OOSP1: variants seen among roughly 807,000 people sequenced by gnomAD.
OOSP1 encodes putative oocyte-secreted protein 1 homolog.
A neutral mutation model predicts 5.7 loss-of-function variants in OOSP1; 11 were observed. The ratio of observed to expected loss-of-function variants is 1.94; its 90% CI spans 1.22 to 3.20. The LOEUF (loss-of-function observed/expected upper bound fraction) is 3.20, where lower values mean the gene tolerates loss of function less well. OOSP1 is among the 30% of genes most tolerant of loss of function. The pLI, the probability that OOSP1 is intolerant of heterozygous loss-of-function variation, is 0.00. For synonymous variants in OOSP1, 44 were observed against 20.0 expected (o/e 2.20, Z -3.20); for missense variants, 83 against 54.1 (o/e 1.53, Z -1.67).
intron 2 of OOSP1, among the ~76,000 whole-genome samples, chr11:59,943,442 A>C (rs976506695): frequency 1.3e-5 from 2 of 152,206 alleles, no homozygotes; most frequent in African/African-American, 4.8e-5. Flanking sequence ...TCTATTTGTA[A>C]TATGGCTAGA....
At chr11:59,946,429 A>G (rs1375536590) in intron 3 of OOSP1, among the ~76,000 whole-genome samples, 1 of 152,230 alleles carries the variant, frequency 6.6e-6, no homozygotes, top group Non-Finnish European at 1.5e-5. Flanking sequence ...ACCAGGTTCC[A>G]TCTCCAATAT....
At position 59,938,468 on chromosome 11, in the gene OOSP1, T is replaced by G. The variant is rs777468753; in HGVS notation, c.14T>G (p.Leu5Arg). The G allele has an allele frequency of 4.6e-5, 29 of 628,038 alleles. No individual in the cohort carries two copies. In the Middle Eastern group the frequency reaches 2.0e-3, roughly 42 times the overall value. The allele number at this position is 628,038 out of a possible 1,614,324, so 38.9% of individuals were successfully genotyped here. ...CAATCTGGGCAAATGAAGACCATTCTGGGGTTCAAAGGGCTCTTTTATCTG... is the reference window on the plus strand; with the variant it reads ...CAATCTGGGCAAATGAAGACCATTCGGGGGTTCAAAGGGCTCTTTTATCTG... Residue 5 changes from leucine (L) to arginine (R), a missense_variant, in exon 1 of 5, where the codon CTG becomes CGG. Leu to Arg is a moderately radical substitution (Grantham distance 102, BLOSUM62 -2). Transcript: ENST00000646685.
Position 59,949,796 on chromosome 11 carries a change from C to T in OOSP1, c.486+1934C>T, listed in dbSNP as rs1040149928. ...TGGCTGCTGGATGGAGAATGGATAC[C>T]AAGAGGAAGCAGCGACTGAAGTAGG... On this transcript the variant is annotated intron_variant, in intron 4 of 4. Transcript: ENST00000646685. Among the ~76,000 whole-genome samples, 3 of 152,010 alleles carry T rather than the reference C, an allele frequency of 2.0e-5. No individual in the cohort carries two copies. In the East Asian group the frequency reaches 5.8e-4, roughly 29 times the overall value.
At position 59,945,221 on chromosome 11, in the gene OOSP1, ACT is replaced by A. The variant is rs1853868598; in HGVS notation, c.314_315del (p.Ser105TyrfsTer5). On this transcript the variant is annotated frameshift_variant, in exon 3 of 5. Transcript: ENST00000646685. LOFTEE classifies it high-confidence loss of function. The stretch of plus-strand genomic sequence containing the variant: ...ACTAAAATCAGGTATATCTCAAGAG[ACT>A]CTACTGTCCGATCTGAAATGCCTCT... The A allele has an allele frequency of 1.4e-6, 1 of 702,580 alleles. No homozygotes were observed. Among genetic ancestry groups the A allele is most frequent in the Non-Finnish European group, 2.6e-6 (1 of 384,932 alleles). 43.5% of individuals were successfully genotyped at this position (702,580 alleles called of 1,614,324 possible). A position where few individuals can be genotyped will look rare whatever the true frequency, so the allele number is the denominator to read the frequency against.
intron 4 of OOSP1, among the ~76,000 whole-genome samples, chr11:59,955,376 T>G (rs976278790): frequency 6.6e-6 from 1 of 152,138 alleles, no homozygotes; most frequent in African/African-American, 2.4e-5. Flanking sequence ...ACTATGAATC[T>G]GGCATTGTCT....
At chr11:59,949,277 TA>T (rs1375043995) in intron 4 of OOSP1, among the ~76,000 whole-genome samples, 1 of 151,996 alleles carries the variant, frequency 6.6e-6, no homozygotes, top group Non-Finnish European at 1.5e-5. Context: ...TACTCTATGG[TA>T]TTTTAAGAAA....
intron 3 of OOSP1, among the ~76,000 whole-genome samples, chr11:59,946,041 C>G (rs995507418): frequency 3.9e-5 from 6 of 152,100 alleles, no homozygotes; most frequent in African/African-American, 1.2e-4. Context: ...TGGTGCTAAA[C>G]TAGGGGTCCA....
At chr11:59,947,838 C>T (rs1375651781) in exon 4 of OOSP1, 1 of 398,724 alleles carries the variant, frequency 2.5e-6, no homozygotes, top group African/African-American at 2.1e-5. Flanking sequence ...AAGACATGGG[C>T]AGTAACTTCT....
At chr11:59,950,271 A>G (rs1590893362) in intron 4 of OOSP1, among the ~76,000 whole-genome samples, 1 of 152,188 alleles carries the variant, frequency 6.6e-6, no homozygotes, top group Non-Finnish European at 1.5e-5. Context: ...TGCTGCTTAG[A>G]TCTCCAAGAG....
intron 4 of OOSP1, among the ~76,000 whole-genome samples, chr11:59,949,933 A>C (rs968430575): frequency 6.6e-6 from 1 of 152,212 alleles, no homozygotes; most frequent in African/African-American, 2.4e-5. Flanking sequence ...TGATGGTGTT[A>C]GTGTCCTACT....
intron 4 of OOSP1, among the ~76,000 whole-genome samples, chr11:59,955,342 G>GT (rs1017867631): frequency 8.6e-5 from 13 of 151,220 alleles, no homozygotes; most frequent in African/African-American, 1.7e-4. Flanking sequence ...TATCTTTATG[G>GT]TTTTTTTTGT....
chr11:59,945,213 C>T, exon 3 of OOSP1: 1 of 702,978 alleles, frequency 1.4e-6, no homozygotes, highest in Non-Finnish European at 2.6e-6. Context: ...TCAGGTATAT[C>T]TCAAGAGACT....
chr11:59,943,964 A>C (rs1853856739), intron 2 of OOSP1, among the ~76,000 whole-genome samples: 1 of 152,258 alleles, frequency 6.6e-6, no homozygotes, highest in African/African-American at 2.4e-5. Flanking sequence ...ATTGGGTAAC[A>C]CAGAAAGCAA....
chr11:59,951,037 A>C (rs1453580247), intron 4 of OOSP1, among the ~76,000 whole-genome samples: 1 of 152,102 alleles, frequency 6.6e-6, no homozygotes, highest in Non-Finnish European at 1.5e-5. Context: ...AAAAAGTCCC[A>C]AACATTTATA....
intron 2 of OOSP1, 106 bp from the exon 3 acceptor site, chr11:59,945,063 C>T: frequency 1.5e-6 from 1 of 649,458 alleles, no homozygotes; most frequent in South Asian, 1.8e-5. Context: ...AGAGTGTGAC[C>T]ATTTTTAGAA....
chr11:59,946,490 A>G (rs1238837371), intron 3 of OOSP1, among the ~76,000 whole-genome samples: 1 of 152,188 alleles, frequency 6.6e-6, no homozygotes, highest in Non-Finnish European at 1.5e-5. Flanking sequence ...ATTCCAAACC[A>G]TATCACTTGG....
intron 1 of OOSP1, among the ~76,000 whole-genome samples, chr11:59,939,136 T>C (rs907741239): frequency 6.6e-6 from 1 of 151,984 alleles, no homozygotes; most frequent in African/African-American, 2.4e-5. Flanking sequence ...CTGCTTCTCT[T>C]TCTCTTTTCC....
At chr11:59,943,161 C>A (rs918050956) in intron 2 of OOSP1, 133 bp downstream of exon 2, 1 of 236,238 alleles carries the variant, frequency 4.2e-6, no homozygotes, top group Non-Finnish European at 7.7e-6. Context: ...TTTGTCCTTG[C>A]GATAGTTTGC....
At position 59,946,915 on chromosome 11, in the gene OOSP1, ATATCTATCTATCTATC is replaced by A. The variant is rs10555344; in HGVS notation, c.357-780_357-765del. Among the ~76,000 whole-genome samples the A allele has an allele frequency of 5.4e-3, 786 of 145,226 alleles. 5 individuals carry two copies. The highest frequency in any genetic ancestry group is 0.022 in the East Asian group (109 of 4,962). The stretch of plus-strand genomic sequence containing the variant: ...CCTGTATCAAAATATCTCATCTACC[ATATCTATCTATCTATC>A]TATCTATCTATCTATCTATCTATCT... On this transcript the variant is annotated intron_variant, in intron 3 of 4. Coordinates refer to ENST00000646685, the Ensembl canonical transcript of OOSP1.
Sources: allele counts gnomAD v4.1 joint callset (sites outside exome capture counted in the v4.1 genomes callset), GRCh38; gene constraint gnomAD v4.1.1; transcripts MANE v1.5; gene names NCBI Gene and HGNC (gene_info 2026-07-23, HGNC 2026-07-21).